CCDC7: variants seen among roughly 807,000 people sequenced by gnomAD.
The protein encoded by CCDC7 is coiled-coil domain-containing protein 7.
Under a neutral mutation model 196.9 loss-of-function variants are expected in CCDC7, and 183 were observed. That is an observed-to-expected ratio of 0.93 (90% confidence interval 0.82 to 1.05). The LOEUF is 1.05. Ranked by LOEUF, CCDC7 falls within the 50% of genes least tolerant of loss-of-function variation. The pLI, the probability that CCDC7 is intolerant of heterozygous loss-of-function variation, is 0.00. For missense variants in CCDC7, 1,540 were observed against 1,482.2 expected (o/e 1.04, Z -0.64); for synonymous variants, 525 against 484.6 (o/e 1.08, Z -1.10).
At chr10:32,823,875 A>G (rs1031107840) in intron 31 of CCDC7, among the ~76,000 whole-genome samples, 3 of 152,220 alleles carry the variant, frequency 2.0e-5, no homozygotes, top group Non-Finnish European at 4.4e-5. Flanking sequence ...TCCCAGCTGT[A>G]AAGTCCGCCT....
At chr10:32,512,610 A>T (rs189938270) in intron 9 of CCDC7, 1 of 152,326 alleles carries the variant, frequency 6.6e-6, no homozygotes, top group African/African-American at 2.4e-5. Context: ...ATAAAACCAT[A>T]AAAAGGGAGG....
chr10:32,668,275 A>C (rs1284322506), intron 21 of CCDC7, among the ~76,000 whole-genome samples: 1 of 152,132 alleles, frequency 6.6e-6, no homozygotes, highest in Non-Finnish European at 1.5e-5. Context: ...TTGGGCAGAG[A>C]TGATGGGGTT....
chr10:32,673,654 C>CGTGT (rs71027102), intron 21 of CCDC7, among the ~76,000 whole-genome samples: 5,079 of 147,952 alleles, frequency 0.034, 106 homozygotes, highest in African/African-American at 0.06. Flanking sequence ...CCATTGTGCA[C>CGTGT]GTGTGTGTGT....
intron 28 of CCDC7, among the ~76,000 whole-genome samples, chr10:32,773,660 T>C (rs1353588094): frequency 1.3e-5 from 2 of 152,228 alleles, no homozygotes; most frequent in Non-Finnish European, 2.9e-5. Context: ...TCAGCCATTT[T>C]ATAGATCTTC....
rs374056307 is a variant in CCDC7, at chr10:32,705,898, TAGAC to T, written c.2459-5718_2459-5715del. ...GACTTTAACACTCCACTGTCAACAT[TAGAC>T]AGATCAACGAGACAGAAAGTTAACA... On this transcript the variant is annotated intron_variant, in intron 24 of 41. Coordinates refer to ENST00000639629, the Ensembl canonical transcript of CCDC7. 1.9e-4 allele frequency among the ~76,000 whole-genome samples: 29 copies of T among 152,174 alleles called. 1 individual carries two copies. Among genetic ancestry groups the T allele is most frequent in the East Asian group, 1.3e-3 (7 of 5,186 alleles).
chr10:32,649,241 G>A (rs2068301576), intron 20 of CCDC7, among the ~76,000 whole-genome samples: 1 of 152,150 alleles, frequency 6.6e-6, no homozygotes. Context: ...GATCTGTGCA[G>A]TAAACCACCA....
At chr10:32,487,077 T>G (rs1194738443) in intron 8 of CCDC7, among the ~76,000 whole-genome samples, 1 of 152,226 alleles carries the variant, frequency 6.6e-6, no homozygotes, top group African/African-American at 2.4e-5. Context: ...GATAATATCC[T>G]GAAGAGTGTT....
chr10:32,859,877 C>T (rs868227336), intron 41 of CCDC7, among the ~76,000 whole-genome samples: 25 of 152,196 alleles, frequency 1.6e-4, no homozygotes, highest in Middle Eastern at 3.4e-3. Flanking sequence ...AGGTCGAATC[C>T]CTGAATAGGC....
chr10:32,612,936 A>G (rs1182185331), intron 18 of CCDC7, among the ~76,000 whole-genome samples: 7 of 151,906 alleles, frequency 4.6e-5, no homozygotes, highest in East Asian at 1.9e-4. Context: ...TGCTGACCTC[A>G]TAAAATGAGT....
At chr10:32,805,069 A>T in exon 30 of CCDC7, 2 of 1,611,842 alleles carry the variant, frequency 1.2e-6, no homozygotes, top group Non-Finnish European at 1.7e-6. Flanking sequence ...TTAAATGATG[A>T]ATTCAAGACA....
intron 37 of CCDC7, among the ~76,000 whole-genome samples, chr10:32,847,355 G>A (rs1825131761): frequency 6.6e-6 from 1 of 152,118 alleles, no homozygotes; most frequent in Admixed American, 6.6e-5. Flanking sequence ...CCTACACCAA[G>A]GAAAAGGGCA....
chr10:32,834,918 A>C lies in CCDC7; in HGVS notation c.3352+20A>C. On this transcript the variant is annotated intron_variant, in intron 33 of 41. Transcript: ENST00000639629. Reference sequence around the variant, plus strand: ...ATGGAGGTAAGAACAAGAATTTTTCAAGTCTCCTGTTAATGGCTTATTTAG... The same window carrying C: ...ATGGAGGTAAGAACAAGAATTTTTCCAGTCTCCTGTTAATGGCTTATTTAG... The C allele has an allele frequency of 9.0e-7, 1 of 1,112,486 alleles. No homozygotes were observed. The highest frequency in any genetic ancestry group is 2.5e-5 in the East Asian group (1 of 39,874). 68.9% of individuals were successfully genotyped at this position (1,112,486 alleles called of 1,614,324 possible). A position where few individuals can be genotyped will look rare whatever the true frequency, so the allele number is the denominator to read the frequency against.
intron 13 of CCDC7, 63 bp downstream of exon 14, chr10:32,544,364 TAGAG>T (rs2136175136): frequency 6.7e-7 from 1 of 1,496,270 alleles, no homozygotes; most frequent in Non-Finnish European, 9.1e-7. Context: ...TAGTCATATA[TAGAG>T]AAACATTATT....
chr10:32,831,163 G>A (rs2092121615), intron 32 of CCDC7, among the ~76,000 whole-genome samples: 1 of 152,152 alleles, frequency 6.6e-6, no homozygotes, highest in South Asian at 2.1e-4. Flanking sequence ...AATTTTGCAG[G>A]CAATGGTAAC....
intron 29 of CCDC7, among the ~76,000 whole-genome samples, chr10:32,795,551 T>G (rs892549843): frequency 6.6e-6 from 1 of 152,216 alleles, no homozygotes; most frequent in African/African-American, 2.4e-5. Context: ...ATCATCTCAT[T>G]AGCATCAGTC....
At chr10:32,734,657 G>A (rs2084554340) in intron 28 of CCDC7, among the ~76,000 whole-genome samples, 1 of 152,188 alleles carries the variant, frequency 6.6e-6, no homozygotes, top group South Asian at 2.1e-4. Flanking sequence ...CACTTTGGGA[G>A]GCTGAGGCGG....
intron 9 of CCDC7, among the ~76,000 whole-genome samples, chr10:32,498,536 T>C (rs2043277009): frequency 6.6e-6 from 1 of 152,156 alleles, no homozygotes; most frequent in South Asian, 2.1e-4. Context: ...TTCCTTTCCA[T>C]GTTTAGTGTT....
At chr10:32,723,048 G>C (rs34961109) in intron 25 of CCDC7, among the ~76,000 whole-genome samples, 2 of 152,042 alleles carry the variant, frequency 1.3e-5, no homozygotes. Flanking sequence ...AAGGAATAGC[G>C]CTTTATTAAT....
intron 24 of CCDC7, among the ~76,000 whole-genome samples, chr10:32,707,498 A>G (rs148628894): frequency 0.053 from 8,054 of 152,158 alleles, 709 homozygotes; most frequent in African/African-American, 0.18. Flanking sequence ...AGGAAATAAA[A>G]GGTATTCAAT....
Sources: allele counts gnomAD v4.1 joint callset (sites outside exome capture counted in the v4.1 genomes callset), GRCh38; gene constraint gnomAD v4.1.1; transcripts MANE v1.5; gene names NCBI Gene and HGNC (gene_info 2026-07-23, HGNC 2026-07-21).